MIGA1: variants seen among roughly 807,000 people sequenced by gnomAD.
MIGA1 encodes the protein family with sequence similarity 73, member A.
MIGA1 carries 58 observed loss-of-function variants against 82.0 expected under a neutral mutation model. The ratio of observed to expected loss-of-function variants is 0.71; its 90% CI spans 0.57 to 0.88. The LOEUF (loss-of-function observed/expected upper bound fraction) is 0.88. Ranked by LOEUF, MIGA1 falls within the 40% of genes least tolerant of loss-of-function variation. MIGA1 has a pLI of 0.00. For synonymous variants in MIGA1, 249 were observed against 253.6 expected (o/e 0.98, Z 0.17); for missense variants, 751 against 749.1 (o/e 1.00, Z -0.03).
intron 7 of MIGA1, among the ~76,000 whole-genome samples, chr1:77,840,523 G>A (rs567008631): frequency 1.3e-5 from 2 of 152,096 alleles, no homozygotes; most frequent in East Asian, 1.9e-4. Context: ...TCCCACTCTC[G>A]GCCGGGTGCA....
At chr1:77,819,345 G>A (rs1194343644) in intron 7 of MIGA1, among the ~76,000 whole-genome samples, 1 of 137,224 alleles carries the variant, frequency 7.3e-6, no homozygotes, top group African/African-American at 2.7e-5. Context: ...GTGCAGTGGC[G>A]TGATCTTGGC....
chr1:77,804,044 C>G (rs1682992513), intron 4 of MIGA1, among the ~76,000 whole-genome samples: 1 of 151,928 alleles, frequency 6.6e-6, no homozygotes, highest in African/African-American at 2.4e-5. Context: ...ATATTTACAC[C>G]TACTATATAT....
At chr1:77,823,849 AACTCT>A (rs1293232060) in intron 7 of MIGA1, among the ~76,000 whole-genome samples, 10 of 152,168 alleles carry the variant, frequency 6.6e-5, no homozygotes, top group Non-Finnish European at 1.3e-4. Flanking sequence ...TTGAATTCTA[AACTCT>A]GTTTCTCTGT....
At chr1:77,780,776 GT>G (rs565297085) in intron 1 of MIGA1, among the ~76,000 whole-genome samples, 217 of 145,392 alleles carry the variant, frequency 1.5e-3, no homozygotes, top group Admixed American at 1.9e-3. Context: ...CTAGTTTTTT[GT>G]TTTTTTTTCT....
intron 4 of MIGA1, among the ~76,000 whole-genome samples, chr1:77,805,960 T>C (rs1683083697): frequency 6.6e-6 from 1 of 152,228 alleles, no homozygotes; most frequent in Non-Finnish European, 1.5e-5. Context: ...AACAAGTCTT[T>C]AGAATCACTG....
At chr1:77,784,351 AG>A (rs1682054226) in intron 2 of MIGA1, among the ~76,000 whole-genome samples, 2 of 152,112 alleles carry the variant, frequency 1.3e-5, no homozygotes, top group Non-Finnish European at 1.5e-5. Context: ...CAGCCTCTCA[AG>A]TAGCTGGGAC....
At chr1:77,807,187 G>GTGAGACCCTGTCT in intron 5 of MIGA1, 86 bp downstream of exon 5, 2 of 1,040,106 alleles carry the variant, frequency 1.9e-6, no homozygotes, top group Non-Finnish European at 2.8e-6. Context: ...AGACAGACAG[G>GTGAGACCCTGTCT]GTCTCACTCT....
intron 7 of MIGA1, among the ~76,000 whole-genome samples, chr1:77,839,248 T>C (rs555173381): frequency 6.6e-6 from 1 of 152,072 alleles, no homozygotes; most frequent in African/African-American, 2.4e-5. Flanking sequence ...ATAACCATTT[T>C]CCACCAATTT....
intron 8 of MIGA1, among the ~76,000 whole-genome samples, chr1:77,844,165 T>TATAG (rs1184862202): frequency 1.1e-4 from 15 of 140,326 alleles, no homozygotes; most frequent in African/African-American, 3.6e-4. Context: ...GATAGATAGA[T>TATAG]ATAGATATAT....
chr1:77,872,883 A>T, intron 14 of MIGA1, 121 bp from the exon 15 acceptor site: 6 of 1,363,388 alleles, frequency 4.4e-6, no homozygotes, highest in Non-Finnish European at 6.1e-6. Context: ...TCTGGTTCTA[A>T]AAAACAAATT....
chr1:77,853,430 A>C (rs192306828), intron 8 of MIGA1: 2 of 161,194 alleles, frequency 1.2e-5, no homozygotes, highest in Non-Finnish European at 2.7e-5. Flanking sequence ...AGAAACTACA[A>C]CCAAAGGAGG....
chr1:77,850,862 C>CT (rs66645153), intron 8 of MIGA1, among the ~76,000 whole-genome samples: 32 of 148,768 alleles, frequency 2.2e-4, no homozygotes, highest in South Asian at 4.2e-4. Context: ...TTCTTTCTTT[C>CT]TTTTTTTTTT....
chr1:77,812,068 C>G (rs1048603986), intron 5 of MIGA1, among the ~76,000 whole-genome samples: 3 of 152,172 alleles, frequency 2.0e-5, no homozygotes, highest in Admixed American at 6.5e-5. Context: ...AATCCCATAA[C>G]TTAGGGAGGC....
chr1:77,825,167 T>C (rs987717133), intron 7 of MIGA1, among the ~76,000 whole-genome samples: 9 of 151,856 alleles, frequency 5.9e-5, no homozygotes, highest in African/African-American at 2.2e-4. Flanking sequence ...CCACCACACC[T>C]GGCTAATTTC....
At chr1:77,848,823 T>A (rs1684939630) in intron 8 of MIGA1, 1 of 1,144,042 alleles carries the variant, frequency 8.7e-7, no homozygotes, top group Non-Finnish European at 1.2e-6. Flanking sequence ...AAGAGAAAGA[T>A]TTAAGGAAGC....
At chr1:77,797,995 C>T (rs1682728337) in intron 2 of MIGA1, among the ~76,000 whole-genome samples, 2 of 152,064 alleles carry the variant, frequency 1.3e-5, no homozygotes, top group African/African-American at 4.8e-5. Context: ...GAAATGACAT[C>T]CTTGCCTTGT....
At chr1:77,820,077 T>G (rs1683742086) in intron 7 of MIGA1, among the ~76,000 whole-genome samples, 1 of 151,980 alleles carries the variant, frequency 6.6e-6, no homozygotes, top group South Asian at 2.1e-4. Context: ...AGACTTTTAT[T>G]TCTGGTGGTG....
At chr1:77,787,055 G>A (rs933283994) in intron 2 of MIGA1, among the ~76,000 whole-genome samples, 18 of 152,310 alleles carry the variant, frequency 1.2e-4, no homozygotes, top group African/African-American at 4.1e-4. Flanking sequence ...TGAAAGGCAC[G>A]TCTCACATGG....
chr1:77,839,564 GTCTC>G (rs913252424), intron 7 of MIGA1, among the ~76,000 whole-genome samples: 52 of 152,028 alleles, frequency 3.4e-4, no homozygotes, highest in Admixed American at 1.6e-3. Context: ...TAGAGCTGGA[GTCTC>G]TCTCTATTGC....
Sources: allele counts gnomAD v4.1 joint callset (sites outside exome capture counted in the v4.1 genomes callset), GRCh38; gene constraint gnomAD v4.1.1; transcripts MANE v1.5; gene names NCBI Gene and HGNC (gene_info 2026-07-23, HGNC 2026-07-21).